The following STK10 variants were observed in gnomAD, a reference collection of about 807,000 sequenced individuals.
STK10 encodes the protein serine/threonine kinase 10.
Under a neutral mutation model 113.8 loss-of-function variants are expected in STK10, and 78 were observed. The observed-to-expected ratio is 0.69, with a 90% CI of 0.57 to 0.83. The LOEUF is 0.83. STK10 is among the 40% of genes least tolerant of loss of function. The probability of loss-of-function intolerance (pLI) is 0.00; values close to 1 mark genes in which losing one functional copy is unlikely to be tolerated. For missense variants in STK10, 1,109 were observed against 1,280.1 expected (o/e 0.87, Z 2.04); for synonymous variants, 465 against 494.7 (o/e 0.94, Z 0.80).
intron 3 of STK10, among the ~76,000 whole-genome samples, chr5:172,125,866 A>T (rs925059160): frequency 3.3e-5 from 5 of 152,166 alleles, no homozygotes; most frequent in Admixed American, 6.5e-5. Context: ...TTTAAAAAAA[A>T]TTTTAGCATT....
chr5:172,075,150 G>A (rs940480958), intron 12 of STK10, among the ~76,000 whole-genome samples: 1 of 150,344 alleles, frequency 6.7e-6, no homozygotes, highest in African/African-American at 2.5e-5. Flanking sequence ...ATCCTGGAAG[G>A]CAGACCAAGA....
intron 18 of STK10, among the ~76,000 whole-genome samples, chr5:172,046,747 T>G (rs1289439405): frequency 6.6e-6 from 1 of 152,258 alleles, no homozygotes. Context: ...ACTACTCAAC[T>G]GCCACTGTAG....
chr5:172,083,193 A>G (rs1768473527), intron 10 of STK10, 109 bp from the exon 11 acceptor site: 1 of 1,439,386 alleles, frequency 6.9e-7, no homozygotes, highest in South Asian at 1.2e-5. Context: ...AAATCACACA[A>G]GTCTGGGGCA....
intron 18 of STK10, among the ~76,000 whole-genome samples, chr5:172,046,996 T>C (rs1009549008): frequency 3.9e-5 from 6 of 152,244 alleles, no homozygotes; most frequent in East Asian, 3.8e-4. Flanking sequence ...CAACACTTCA[T>C]TGACTCTACC....
intron 1 of STK10, among the ~76,000 whole-genome samples, chr5:172,178,458 C>G (rs929396907): frequency 5.3e-5 from 8 of 152,202 alleles, no homozygotes; most frequent in African/African-American, 1.9e-4. Flanking sequence ...TCATCTCAGG[C>G]AGCACCTTTC....
At chr5:172,168,637 C>T (rs373315292) in intron 1 of STK10, among the ~76,000 whole-genome samples, 8 of 152,130 alleles carry the variant, frequency 5.3e-5, no homozygotes, top group Non-Finnish European at 1.0e-4. Flanking sequence ...CAGCACAGGC[C>T]CATGAAGTAC....
intron 1 of STK10, among the ~76,000 whole-genome samples, chr5:172,185,301 G>A (rs1472229369): frequency 1.3e-5 from 2 of 151,702 alleles, no homozygotes; most frequent in Non-Finnish European, 1.5e-5. Context: ...ACAGAGTCTC[G>A]CTCTGTCGCC....
At chr5:172,096,640 G>A (rs951584685) in intron 7 of STK10, 80 bp from the exon 8 acceptor site, 54 of 1,569,024 alleles carry the variant, frequency 3.4e-5, no homozygotes, top group Non-Finnish European at 4.2e-5. Context: ...GCTCACCCCC[G>A]GGGCAGAAAA....
intron 1 of STK10, among the ~76,000 whole-genome samples, chr5:172,174,258 G>A (rs1038724901): frequency 3.3e-5 from 5 of 152,206 alleles, no homozygotes; most frequent in Admixed American, 2.6e-4. Context: ...TGCAACCTCC[G>A]CCTTTCGGGT....
intron 1 of STK10, among the ~76,000 whole-genome samples, chr5:172,168,914 C>T (rs1270176785): frequency 6.6e-6 from 1 of 152,140 alleles, no homozygotes; most frequent in Non-Finnish European, 1.5e-5. Context: ...CTCAAGGGCT[C>T]CTAGCTGCTG....
intron 3 of STK10, among the ~76,000 whole-genome samples, chr5:172,125,262 A>G (rs1332818074): frequency 2.0e-5 from 3 of 152,246 alleles, no homozygotes; most frequent in Non-Finnish European, 4.4e-5. Flanking sequence ...TGTTCATTAC[A>G]GTATTTCAGA....
intron 13 of STK10, among the ~76,000 whole-genome samples, chr5:172,062,214 G>C (rs1581135925): frequency 1.3e-5 from 2 of 152,144 alleles, no homozygotes; most frequent in East Asian, 1.9e-4. Flanking sequence ...CTGGCCTCAA[G>C]TGATCCACCC....
chr5:172,064,874 A>G, intron 12 of STK10, 62 bp from the exon 13 acceptor site: 1 of 1,571,758 alleles, frequency 6.4e-7, no homozygotes, highest in Non-Finnish European at 8.7e-7. Flanking sequence ...CTACAGTATA[A>G]TCTTCAACGC....
At chr5:172,078,275 C>G (rs903764613) in intron 12 of STK10, among the ~76,000 whole-genome samples, 1 of 152,180 alleles carries the variant, frequency 6.6e-6, no homozygotes, top group African/African-American at 2.4e-5. Flanking sequence ...AAGTAAACTG[C>G]AGAATCAAAG....
At chr5:172,105,403 CT>C (rs2113762411) in intron 7 of STK10, among the ~76,000 whole-genome samples, 1 of 152,230 alleles carries the variant, frequency 6.6e-6, no homozygotes, top group East Asian at 1.9e-4. Flanking sequence ...CGCACACATA[CT>C]TGCTTATTTG....
At chr5:172,087,363 C>G (rs1033582866) in intron 10 of STK10, among the ~76,000 whole-genome samples, 3 of 151,958 alleles carry the variant, frequency 2.0e-5, no homozygotes, top group Non-Finnish European at 4.4e-5. Flanking sequence ...CAACCTCCGC[C>G]TCCTGGGTTC....
At chr5:172,055,824 CAG>C (rs1581132395) in intron 15 of STK10, 48 bp from the exon 16 acceptor site, 13 of 1,384,698 alleles carry the variant, frequency 9.4e-6, no homozygotes, top group Non-Finnish European at 1.2e-5. Flanking sequence ...ACTCTGGACT[CAG>C]AGCGTGGTCA....
At chr5:172,166,565 C>T (rs1034015143) in intron 1 of STK10, among the ~76,000 whole-genome samples, 2 of 152,082 alleles carry the variant, frequency 1.3e-5, no homozygotes, top group Non-Finnish European at 2.9e-5. Context: ...GATTTGGAGA[C>T]CTACATGGAA....
intron 2 of STK10, among the ~76,000 whole-genome samples, chr5:172,140,288 A>G (rs1769947413): frequency 6.6e-6 from 1 of 152,232 alleles, no homozygotes; most frequent in South Asian, 2.1e-4. Context: ...AAGACAAAAG[A>G]TGACACGTGT....
Sources: gnomAD v4.1 joint callset for allele counts (sites outside exome capture counted in the v4.1 genomes callset) on GRCh38, gnomAD v4.1.1 for gene constraint, MANE v1.5 for transcripts, NCBI Gene and HGNC (gene_info 2026-07-23, HGNC 2026-07-21) for gene names.